The following PPP4R4 variants were observed in gnomAD, a reference collection of about 807,000 sequenced individuals.
PPP4R4 encodes the protein protein phosphatase 4 regulatory subunit 4, also known as serine/threonine-protein phosphatase 4 regulatory subunit 4.
A neutral mutation model predicts 121.8 loss-of-function variants in PPP4R4; 70 were observed. The observed-to-expected ratio is 0.57, with a 90% CI of 0.47 to 0.70. The LOEUF is 0.70. Among genes scored for constraint, PPP4R4 ranks in the 30% least tolerant of loss-of-function variants. PPP4R4 has a pLI of 0.00. For synonymous variants in PPP4R4, 348 were observed against 355.7 expected (o/e 0.98, Z 0.24); for missense variants, 875 against 1,033.6 (o/e 0.85, Z 2.10).
chr14:94,218,513 C>T lies in PPP4R4; in HGVS notation c.294+9947C>T, dbSNP rs187777905. Reference sequence around the variant, plus strand: ...CCCCTAGACACCGCACGCGCGCACACACACACCCCCCTCACCTCTAGACAC... The same window carrying T: ...CCCCTAGACACCGCACGCGCGCACATACACACCCCCCTCACCTCTAGACAC... On this transcript the variant is annotated intron_variant, in intron 3 of 24. Transcript: ENST00000304338. Among the ~76,000 whole-genome samples, 603 of 97,774 alleles carry T rather than the reference C, an allele frequency of 6.2e-3. 31 individuals carry two copies. The East Asian group carries it at 0.073, about 12-fold the overall frequency. The allele number at this position is 97,774 out of a possible 152,430, so 64.1% of individuals were successfully genotyped here. A position where few individuals can be genotyped will look rare whatever the true frequency, so the allele number is the denominator to read the frequency against.
At chr14:94,265,499 T>C (rs1403851790) in intron 21 of PPP4R4, 26 bp downstream of exon 21, 1 of 1,550,790 alleles carries the variant, frequency 6.4e-7, no homozygotes, top group African/African-American at 1.4e-5. Flanking sequence ...TTTTTATATC[T>C]TTTTGTAATT....
intron 2 of PPP4R4, among the ~76,000 whole-genome samples, chr14:94,188,673 T>C (rs1051662184): frequency 6.6e-6 from 1 of 152,160 alleles, no homozygotes; most frequent in Non-Finnish European, 1.5e-5. Flanking sequence ...AATTAATAAT[T>C]ATATTTCCTT....
chr14:94,242,193 A>T, intron 10 of PPP4R4, 96 bp from the exon 11 acceptor site: 1 of 1,402,378 alleles, frequency 7.1e-7, no homozygotes, highest in Non-Finnish European at 9.8e-7. Flanking sequence ...AATTCAGAGA[A>T]CATGATTTCA....
At chr14:94,227,336 G>A (rs760222346) in intron 3 of PPP4R4, 1 of 1,612,636 alleles carries the variant, frequency 6.2e-7, no homozygotes, top group Non-Finnish European at 8.5e-7. Context: ...TCTCACATAT[G>A]TTTGTCCAGA....
Position 94,174,416 on chromosome 14 carries a change from C to T in PPP4R4, c.-50C>T, listed in dbSNP as rs1417119718. 3 of 1,431,556 alleles carry T rather than the reference C, an allele frequency of 2.1e-6. No individual in the cohort carries two copies. Among genetic ancestry groups the T allele is most frequent in the East Asian group, 2.9e-5 (1 of 33,990 alleles). 88.7% of individuals were successfully genotyped at this position (1,431,556 alleles called of 1,614,324 possible). Reference sequence around the variant, plus strand: ...GGGCGGCCGCGGGGCTGAGGGCGTCCGGCATCCCGGGGCCGCTCCGGCCCG... The same window carrying T: ...GGGCGGCCGCGGGGCTGAGGGCGTCTGGCATCCCGGGGCCGCTCCGGCCCG... On this transcript the variant is annotated 5_prime_UTR_variant, in exon 1 of 25. Transcript: ENST00000304338.
chr14:94,247,287 A>G (rs1206231261), intron 14 of PPP4R4, among the ~76,000 whole-genome samples: 3 of 152,232 alleles, frequency 2.0e-5, no homozygotes, highest in Non-Finnish European at 4.4e-5. Context: ...GGACAAGCCC[A>G]ACTGGTCAGG....
Position 94,279,685 on chromosome 14 carries a change from T to C in PPP4R4, c.*1042T>C, listed in dbSNP as rs918430752. The C allele has an allele frequency of 1.3e-5, 2 of 152,630 alleles. No individual in the cohort carries two copies. Among genetic ancestry groups the C allele is most frequent in the Non-Finnish European group, 2.9e-5 (2 of 68,030 alleles). 9.5% of individuals were successfully genotyped at this position (152,630 alleles called of 1,614,324 possible). On this transcript the variant is annotated 3_prime_UTR_variant, in exon 25 of 25. Coordinates refer to ENST00000304338, the MANE Select transcript of PPP4R4 (RefSeq NM_058237.2). Reference sequence around the variant, plus strand: ...GTATGTGTGGTTACTTTTTATAATGTGAAATAATGAATAATGAATTTACTC... The same window carrying C: ...GTATGTGTGGTTACTTTTTATAATGCGAAATAATGAATAATGAATTTACTC...
At chr14:94,275,617 A>T (rs1894596651) in intron 24 of PPP4R4, 96 bp downstream of exon 24, 17 of 1,337,092 alleles carry the variant, frequency 1.3e-5, no homozygotes, top group Non-Finnish European at 1.8e-5. Context: ...AGAATAGAAA[A>T]TGTCTGTGAT....
intron 3 of PPP4R4, among the ~76,000 whole-genome samples, chr14:94,216,120 A>G: frequency 6.6e-6 from 1 of 152,244 alleles, no homozygotes. Context: ...TTAAGCTTGT[A>G]AGTGAGTAAG....
intron 17 of PPP4R4, among the ~76,000 whole-genome samples, 177 bp from the exon 18 acceptor site, chr14:94,258,606 T>C (rs570194463): frequency 6.6e-6 from 1 of 152,294 alleles, no homozygotes; most frequent in East Asian, 1.9e-4. Flanking sequence ...CATGATTGTA[T>C]AAAGATTGAT....
In PPP4R4 at chr14:94,254,998, C is replaced by T. The variant is rs564704686; in HGVS notation, c.1866-1462C>T. ...ATTACTTTGGTGATCTCTCCCATTT[C>T]ATGGTTTAAATATCATCTCCTTGCT... On this transcript the variant is annotated intron_variant, in intron 16 of 24. Transcript: ENST00000304338. Among the ~76,000 whole-genome samples, 6 of 152,320 alleles carry T rather than the reference C, an allele frequency of 3.9e-5. No individual in the cohort carries two copies. The East Asian group carries it at 1.2e-3, about 29-fold the overall frequency.
At chr14:94,278,583 C>T in intron 24 of PPP4R4, 36 bp from the exon 25 acceptor site, 1 of 1,468,712 alleles carries the variant, frequency 6.8e-7, no homozygotes, top group Non-Finnish European at 9.4e-7. Flanking sequence ...TCCTTCCCCA[C>T]CCTCCCTCTC....
At chr14:94,185,718 C>T (rs1318772139) in intron 2 of PPP4R4, among the ~76,000 whole-genome samples, 3 of 152,100 alleles carry the variant, frequency 2.0e-5, no homozygotes, top group African/African-American at 7.2e-5. Flanking sequence ...GGAAACATCC[C>T]ATTTAGAAAC....
At position 94,230,801 on chromosome 14, in the gene PPP4R4, T is replaced by C. The variant is rs749512673; in HGVS notation, c.442+67T>C. The C allele has an allele frequency of 3.6e-5, 53 of 1,476,702 alleles. No homozygotes were observed. In the Middle Eastern group the frequency reaches 1.4e-3, roughly 40 times the overall value. The allele number at this position is 1,476,702 out of a possible 1,614,324, so 91.5% of individuals were successfully genotyped here. A position where few individuals can be genotyped will look rare whatever the true frequency, so the allele number is the denominator to read the frequency against. ...TTTTTTGTGTATGGCCATGATATTATATAAATACTGTTAGCCTGATGAGGA... is the reference window on the plus strand; with the variant it reads ...TTTTTTGTGTATGGCCATGATATTACATAAATACTGTTAGCCTGATGAGGA... On this transcript the variant is annotated intron_variant, in intron 4 of 24. Coordinates refer to ENST00000304338, the MANE Select transcript of PPP4R4 (RefSeq NM_058237.2).
At chr14:94,226,903 G>A (rs1891736744) in intron 3 of PPP4R4, among the ~76,000 whole-genome samples, 1 of 152,094 alleles carries the variant, frequency 6.6e-6, no homozygotes, top group South Asian at 2.1e-4. Flanking sequence ...TTTGGAGTAA[G>A]CCAATGATTT....
At chr14:94,236,034 C>T (rs1194886975) in intron 7 of PPP4R4, among the ~76,000 whole-genome samples, 1 of 152,046 alleles carries the variant, frequency 6.6e-6, no homozygotes, top group Non-Finnish European at 1.5e-5. Flanking sequence ...TTTTGAATGT[C>T]ACACAGGGTA....
At chr14:94,189,650 C>T (rs1238146881) in intron 2 of PPP4R4, among the ~76,000 whole-genome samples, 1 of 152,172 alleles carries the variant, frequency 6.6e-6, no homozygotes, top group East Asian at 1.9e-4. Context: ...TTGCTGGGCA[C>T]CTCCACCAGG....
At chr14:94,231,384 G>T (rs1892024454) in intron 5 of PPP4R4, 69 bp downstream of exon 5, 1 of 1,327,318 alleles carries the variant, frequency 7.5e-7, no homozygotes, top group African/African-American at 1.5e-5. Flanking sequence ...AAGGTTTCTT[G>T]TCAAAAATGG....
chr14:94,198,436 A>G (rs189886545), intron 2 of PPP4R4, among the ~76,000 whole-genome samples: 4 of 152,308 alleles, frequency 2.6e-5, no homozygotes, highest in Admixed American at 1.3e-4. Context: ...TTGTTTGCTA[A>G]ATATTTATTT....
Sources: allele counts gnomAD v4.1 joint callset (sites outside exome capture counted in the v4.1 genomes callset), GRCh38; gene constraint gnomAD v4.1.1; transcripts MANE v1.5; gene names NCBI Gene and HGNC (gene_info 2026-07-23, HGNC 2026-07-21).